CTNNAL1: variants seen among roughly 807,000 people sequenced by gnomAD.
CTNNAL1 encodes the protein catenin alpha like 1, also known as alpha-catulin.
CTNNAL1 carries 69 observed loss-of-function variants against 93.6 expected under a neutral mutation model. That is an observed-to-expected ratio of 0.74 (90% CI 0.61 to 0.90). The LOEUF is 0.90. CTNNAL1 is among the 40% of genes least tolerant of loss of function. CTNNAL1 has a pLI of 0.00. For synonymous variants in CTNNAL1, 286 were observed against 305.4 expected (o/e 0.94, Z 0.66); for missense variants, 836 against 862.0 (o/e 0.97, Z 0.38).
rs374825406 is a variant in CTNNAL1, at chr9:109,000,039, G to A, written c.142-783C>T. Among the ~76,000 whole-genome samples, 1,098 of 152,292 alleles carry A rather than the reference G, an allele frequency of 7.2e-3. 13 individuals are homozygous for A. The highest frequency in any genetic ancestry group is 0.025 in the African/African-American group (1,045 of 41,552). On this transcript the variant is annotated intron_variant, in intron 1 of 18. Transcript: ENST00000325551. The stretch of plus-strand genomic sequence containing the variant: ...TACTAGTATTAAAAGAAGGGGAAGA[G>A]AATTACAAGAAGGGGAAGAGAATCA...
rs1309252728 is a variant in CTNNAL1, at chr9:108,983,103, A to G, written c.900+42T>C. The G allele has an allele frequency of 3.0e-6, 4 of 1,318,054 alleles. No individual in the cohort carries two copies. In the South Asian group the frequency reaches 7.4e-5, roughly 24 times the overall value. The allele number at this position is 1,318,054 out of a possible 1,614,324, so 81.6% of individuals were successfully genotyped here. ...AAAAAATTAAAATAAAATAAAATAA[A>G]ATAAGAAGAGAAAAATAAAAATATA... On this transcript the variant is annotated intron_variant, in intron 6 of 18. Transcript: ENST00000325551.
intron 1 of CTNNAL1, among the ~76,000 whole-genome samples, chr9:109,008,525 A>T (rs1052796189): frequency 4.6e-5 from 7 of 152,188 alleles, no homozygotes; most frequent in African/African-American, 1.7e-4. Flanking sequence ...GGCCACAGGT[A>T]ATGCCCACCT....
Position 108,990,822 on chromosome 9 carries a change from T to C in CTNNAL1, c.543A>G (p.Leu181=). 6.2e-7 allele frequency: 1 copy of C among 1,613,388 alleles called. No individual in the cohort carries two copies. Among genetic ancestry groups the C allele is most frequent in the Non-Finnish European group, 8.5e-7 (1 of 1,179,812 alleles). ...RNKVLATMER[L]EKVNSFQEFV... ...ACTCTTGAAAGCTATTCACTTTCTC[T>C]AGTCTTTCCATAGTTGCGAGAACCT... Residue 181 remains leucine, a synonymous_variant, in exon 4 of 19, where the codon CTA becomes CTG. Transcript: ENST00000325551.
At chr9:108,944,043 A>G (rs747449893) in intron 15 of CTNNAL1, 25 bp from the exon 16 acceptor site, 7 of 1,595,202 alleles carry the variant, frequency 4.4e-6, no homozygotes, top group South Asian at 1.1e-5. Flanking sequence ...AAACACCACT[A>G]TTTTAGACTG....
At chr9:108,996,720 C>CT (rs61111132) in intron 2 of CTNNAL1, among the ~76,000 whole-genome samples, 129 of 146,730 alleles carry the variant, frequency 8.8e-4, no homozygotes, top group African/African-American at 1.4e-3. Flanking sequence ...TTTTTTATTT[C>CT]TTTTTTTTTT....
In CTNNAL1 at chr9:108,942,956, C is replaced by T; in HGVS notation, c.2139+5G>A. 1 of 1,611,284 alleles carries T rather than the reference C, an allele frequency of 6.2e-7. No homozygotes were observed. Among genetic ancestry groups the T allele is most frequent in the Non-Finnish European group, 8.5e-7 (1 of 1,179,248 alleles). On this transcript the variant is annotated splice_donor_5th_base_variant and intron_variant, in intron 18 of 18. Transcript: ENST00000325551. Reference sequence around the variant, plus strand: ...TATGAGTCTAAAATAGAAAAACTACCTCACCTTCTTCAGCAGTTTATAACA... The same window carrying T: ...TATGAGTCTAAAATAGAAAAACTACTTCACCTTCTTCAGCAGTTTATAACA...
rs1044248135 is a variant in CTNNAL1, at chr9:108,951,488, T to C, written c.1835+721A>G. On this transcript the variant is annotated intron_variant, in intron 14 of 18. Transcript: ENST00000325551. ...GAGCCAGAAAACTGGAGATATCAAG[T>C]ATTTCCCAGGTTTCCAAAAATGAAA... Among the ~76,000 whole-genome samples, 6 of 152,288 alleles carry C rather than the reference T, an allele frequency of 3.9e-5. No individual in the cohort carries two copies. In the East Asian group the frequency reaches 1.2e-3, roughly 29 times the overall value.
At chr9:108,971,405 G>C (rs28361145) in intron 9 of CTNNAL1, among the ~76,000 whole-genome samples, 2,948 of 152,230 alleles carry the variant, frequency 0.019, 93 homozygotes, top group African/African-American at 0.068. Flanking sequence ...TTGTTGATAT[G>C]GTTTGGCTGT....
intron 1 of CTNNAL1, among the ~76,000 whole-genome samples, chr9:109,007,925 G>A (rs1827082972): frequency 6.6e-6 from 1 of 151,850 alleles, no homozygotes; most frequent in Non-Finnish European, 1.5e-5. Flanking sequence ...ATCTGGTTTA[G>A]TTTTATCTGG....
intron 1 of CTNNAL1, among the ~76,000 whole-genome samples, chr9:109,011,356 C>T (rs144591672): frequency 8.1e-5 from 12 of 147,324 alleles, no homozygotes; most frequent in African/African-American, 1.6e-4. Flanking sequence ...CTGAACAAGG[C>T]TTTAACTGGA....
chr9:108,993,462 G>A (rs1277989634), intron 2 of CTNNAL1, among the ~76,000 whole-genome samples: 1 of 152,176 alleles, frequency 6.6e-6, no homozygotes, highest in African/African-American at 2.4e-5. Context: ...CCTCCCTCCT[G>A]AGAATTCAAA....
chr9:108,965,983 A>G (rs1830941470), intron 10 of CTNNAL1, among the ~76,000 whole-genome samples: 1 of 152,228 alleles, frequency 6.6e-6, no homozygotes, highest in African/African-American at 2.4e-5. Flanking sequence ...TACTTGGTAG[A>G]TACATGCTTG....
At chr9:108,979,636 A>T (rs1335197629) in intron 6 of CTNNAL1, among the ~76,000 whole-genome samples, 155 bp from the exon 7 acceptor site, 3 of 152,236 alleles carry the variant, frequency 2.0e-5, no homozygotes, top group African/African-American at 7.2e-5. Flanking sequence ...TATATTCGCC[A>T]CTAACCCAGA....
intron 15 of CTNNAL1, among the ~76,000 whole-genome samples, chr9:108,947,850 A>G (rs1426328391): frequency 2.6e-5 from 4 of 152,240 alleles, no homozygotes; most frequent in Non-Finnish European, 5.9e-5. Flanking sequence ...GAAGAGGCCA[A>G]AAATCTTTCT....
chr9:108,957,471 T>C (rs1167246555), intron 11 of CTNNAL1, among the ~76,000 whole-genome samples: 3 of 152,142 alleles, frequency 2.0e-5, no homozygotes, highest in Non-Finnish European at 4.4e-5. Flanking sequence ...TCTTGGACAG[T>C]GCTGATCTAG....
At chr9:109,004,413 G>T (rs558593202) in intron 1 of CTNNAL1, among the ~76,000 whole-genome samples, 2 of 152,148 alleles carry the variant, frequency 1.3e-5, no homozygotes, top group Non-Finnish European at 2.9e-5. Context: ...GGAGAGTTAG[G>T]ATTTAAATCC....
At position 108,942,715 on chromosome 9, in the gene CTNNAL1, T is replaced by C; in HGVS notation, c.*54A>G. Reference sequence around the variant, plus strand: ...AAAAGATAAAGGATCATTTGATTTTTAAAAATGTCAGCTTCATCACATGAT... The same window carrying C: ...AAAAGATAAAGGATCATTTGATTTTCAAAAATGTCAGCTTCATCACATGAT... On this transcript the variant is annotated 3_prime_UTR_variant, in exon 19 of 19. Coordinates refer to ENST00000325551, the MANE Select transcript of CTNNAL1 (RefSeq NM_003798.4). The C allele has an allele frequency of 8.7e-7, 1 of 1,142,946 alleles. No homozygotes were observed. Among genetic ancestry groups the C allele is most frequent in the Non-Finnish European group, 1.3e-6 (1 of 773,976 alleles). The allele number at this position is 1,142,946 out of a possible 1,614,324, so 70.8% of individuals were successfully genotyped here. A position where few individuals can be genotyped will look rare whatever the true frequency, so the allele number is the denominator to read the frequency against.
intron 4 of CTNNAL1, among the ~76,000 whole-genome samples, chr9:108,985,919 G>A (rs969526600): frequency 2.6e-5 from 4 of 152,070 alleles, no homozygotes; most frequent in South Asian, 2.1e-4. Context: ...AAACAGAGGC[G>A]TCCATAAAAC....
chr9:108,971,712 C>T (rs906057462), intron 9 of CTNNAL1, among the ~76,000 whole-genome samples: 1 of 152,092 alleles, frequency 6.6e-6, no homozygotes, highest in Non-Finnish European at 1.5e-5. Flanking sequence ...TATAAATTAC[C>T]CAGTCTTGGG....
Sources: allele counts gnomAD v4.1 joint callset (sites outside exome capture counted in the v4.1 genomes callset), GRCh38; gene constraint gnomAD v4.1.1; transcripts MANE v1.5; gene names NCBI Gene and HGNC (gene_info 2026-07-23, HGNC 2026-07-21).